The following ESRRG variants were observed in gnomAD, a reference collection of about 807,000 sequenced individuals.
The protein encoded by ESRRG is estrogen related receptor gamma.
A neutral mutation model predicts 44.0 loss-of-function variants in ESRRG; 13 were observed. The observed-to-expected ratio is 0.30, with a 90% CI of 0.19 to 0.47. ESRRG has a LOEUF of 0.47. ESRRG is among the 20% of genes least tolerant of loss of function. The pLI, the probability that ESRRG is intolerant of heterozygous loss-of-function variation, is 1.00. For synonymous variants in ESRRG, 215 were observed against 214.6 expected, an observed-to-expected ratio of 1.00 and a Z score of -0.02; for missense variants, 395 against 580.6, an observed-to-expected ratio of 0.68 and a Z score of 3.29.
chr1:216,618,395 C>G (rs944441655), intron 3 of ESRRG, among the ~76,000 whole-genome samples: 3 of 152,188 alleles, frequency 2.0e-5, no homozygotes, highest in Non-Finnish European at 2.9e-5. Flanking sequence ...GAATAAAGAA[C>G]AGAATTAACT....
At chr1:217,061,368 G>T (rs1231446013) in intron 1 of ESRRG, among the ~76,000 whole-genome samples, 2 of 152,090 alleles carry the variant, frequency 1.3e-5, no homozygotes, top group African/African-American at 4.8e-5. Context: ...ATAGCTAAAT[G>T]CATGTAAATA....
chr1:217,137,585 A>G (rs1337509438), intron 1 of ESRRG: 1 of 152,262 alleles, frequency 6.6e-6, no homozygotes, highest in Admixed American at 6.5e-5. Flanking sequence ...GCGCTTGCTT[A>G]AGAGTTCTCA....
At chr1:216,753,411 C>T (rs1576167706) in intron 2 of ESRRG, among the ~76,000 whole-genome samples, 7 of 152,080 alleles carry the variant, frequency 4.6e-5, no homozygotes, top group Admixed American at 3.9e-4. Flanking sequence ...ATTTATGAGA[C>T]ATGGCAAGAG....
chr1:216,554,927 T>G (rs1432308455), intron 5 of ESRRG, among the ~76,000 whole-genome samples: 1 of 152,104 alleles, frequency 6.6e-6, no homozygotes, highest in Non-Finnish European at 1.5e-5. Flanking sequence ...TCAACAGAGG[T>G]GATGCAACAG....
intron 1 of ESRRG, among the ~76,000 whole-genome samples, chr1:216,969,154 C>A (rs923409639): frequency 1.3e-5 from 2 of 152,032 alleles, no homozygotes; most frequent in Admixed American, 1.3e-4. Flanking sequence ...GGTGTGTTTA[C>A]TATGTGTTAG....
At chr1:217,057,416 A>G (rs2087356443) in intron 1 of ESRRG, among the ~76,000 whole-genome samples, 1 of 152,194 alleles carries the variant, frequency 6.6e-6, no homozygotes, top group Admixed American at 6.5e-5. Context: ...AAATAGAATA[A>G]GGAGCAGAAT....
intron 2 of ESRRG, among the ~76,000 whole-genome samples, chr1:216,777,233 G>C (rs764055403): frequency 6.6e-6 from 1 of 152,082 alleles, no homozygotes; most frequent in Non-Finnish European, 1.5e-5. Flanking sequence ...AAGCACTACA[G>C]ATCTACTCCT....
At chr1:216,819,749 A>G (rs376140161) in intron 2 of ESRRG, among the ~76,000 whole-genome samples, 20 of 152,242 alleles carry the variant, frequency 1.3e-4, no homozygotes, top group African/African-American at 4.8e-4. Flanking sequence ...AGTTGTGGAC[A>G]TGGTTTGTTA....
chr1:216,968,698 G>T (rs891304735), intron 1 of ESRRG, among the ~76,000 whole-genome samples: 1 of 102,542 alleles, frequency 9.8e-6, no homozygotes. Flanking sequence ...GACTAGTATG[G>T]GTCTTTTTTT....
At chr1:216,914,495 G>A (rs1047166538) in intron 2 of ESRRG, among the ~76,000 whole-genome samples, 14 of 151,972 alleles carry the variant, frequency 9.2e-5, no homozygotes, top group Non-Finnish European at 1.0e-4. Context: ...AAAATTTTCA[G>A]CATTTCTCAG....
rs6702694 is a variant in ESRRG, at chr1:216,816,152, G to A, written c.-14+123430C>T. ...CGTGGGTCATCAGAGTTAACTCGCC[G>A]AAATGGGAGCAAAGGTTTAAAGGTC... On this transcript the variant is annotated intron_variant, in intron 2 of 7. Transcript: ENST00000359162. Among the ~76,000 whole-genome samples, 218 of 152,254 alleles carry A rather than the reference G, an allele frequency of 1.4e-3. 1 individual carries two copies. Among genetic ancestry groups the A allele is most frequent in the African/African-American group, 5.2e-3 (214 of 41,542 alleles).
At chr1:216,639,877 C>T (rs2066039055) in intron 3 of ESRRG, among the ~76,000 whole-genome samples, 1 of 152,154 alleles carries the variant, frequency 6.6e-6, no homozygotes, top group African/African-American at 2.4e-5. Context: ...AGAAGAGTAT[C>T]TTACAGTTGG....
chr1:216,668,254 C>T (rs967275252), intron 2 of ESRRG, among the ~76,000 whole-genome samples: 2 of 147,902 alleles, frequency 1.4e-5, no homozygotes, highest in African/African-American at 4.9e-5. Context: ...TTTTGTTTGC[C>T]TAATCTGACA....
rs2076235086 is a variant in ESRRG at position 216,677,086 on chromosome 1, C to T, written c.462G>A (p.Arg154=). Residue 154 remains arginine (R), a synonymous_variant, in exon 2 of 7, where the codon AGG becomes AGA. Transcript: ENST00000408911. ...SCEACKAFFK[R]TIQGNIEYSC... ...AGGTCCGACACTAACCTTGAATTGT[C>T]CTCTTGAAGAATGCCTTGCAGGCTT... 1.2e-6 allele frequency: 2 copies of T among 1,613,268 alleles called. No individual in the cohort carries two copies. Among genetic ancestry groups the T allele is most frequent in the Non-Finnish European group, 1.7e-6 (2 of 1,179,488 alleles).
At chr1:216,935,295 G>T (rs1452808157) in intron 2 of ESRRG, among the ~76,000 whole-genome samples, 28 of 152,180 alleles carry the variant, frequency 1.8e-4, no homozygotes, top group Admixed American at 1.8e-3. Flanking sequence ...TCAACTGAAA[G>T]TTGTAGGCTA....
In ESRRG at chr1:216,831,044, C is replaced by T. The variant is rs552258583; in HGVS notation, c.-14+108538G>A. ...GGTGGGGAGGTTGGGGGAGGAAACG[C>T]ATCACACAATGTTTGAGTGATTTTC... On this transcript the variant is annotated intron_variant, in intron 2 of 7. Transcript: ENST00000359162. Among the ~76,000 whole-genome samples, 80 of 151,802 alleles carry T rather than the reference C, an allele frequency of 5.3e-4. 1 individual carries two copies. The South Asian group carries it at 0.016, about 31-fold the overall frequency.
intron 6 of ESRRG, among the ~76,000 whole-genome samples, chr1:216,513,222 G>C (rs780325925): frequency 6.6e-6 from 1 of 152,092 alleles, no homozygotes; most frequent in African/African-American, 2.4e-5. Flanking sequence ...TAAAAAGAGA[G>C]AGAGAAAGAA....
chr1:216,559,767 T>C (rs1455093519), intron 5 of ESRRG, among the ~76,000 whole-genome samples: 1 of 152,146 alleles, frequency 6.6e-6, no homozygotes, highest in Non-Finnish European at 1.5e-5. Flanking sequence ...AAATGAAACC[T>C]CCATAATTTT....
chr1:216,714,808 A>G (rs1382197333), intron 1 of ESRRG, among the ~76,000 whole-genome samples: 5 of 152,218 alleles, frequency 3.3e-5, no homozygotes, highest in Admixed American at 2.0e-4. Context: ...CTATTAAAAA[A>G]TGCTTAAACT....
Sources: gnomAD v4.1 joint callset for allele counts (sites outside exome capture counted in the v4.1 genomes callset) on GRCh38, gnomAD v4.1.1 for gene constraint, MANE v1.5 for transcripts, NCBI Gene and HGNC (gene_info 2026-07-23, HGNC 2026-07-21) for gene names.